The following LRP1B variants were observed in gnomAD, a reference collection of about 807,000 sequenced individuals.
The protein encoded by LRP1B is low-density lipoprotein receptor-related protein 1B.
LRP1B carries 217 observed loss-of-function variants against 556.6 expected under a neutral mutation model. The observed-to-expected ratio is 0.39, with a 90% CI of 0.35 to 0.44. The LOEUF (loss-of-function observed/expected upper bound fraction) is 0.44, where lower values mean the gene tolerates loss of function less well. Ranked by LOEUF, LRP1B falls within the 20% of genes least tolerant of loss-of-function variation. The pLI is 1.00. For missense variants in LRP1B, 5,053 were observed against 5,620.8 expected (o/e 0.90, Z 3.23); for synonymous variants, 2,047 against 1,865.8 (o/e 1.10, Z -2.50).
intron 51 of LRP1B, among the ~76,000 whole-genome samples, chr2:140,513,496 C>T (rs2104928106): frequency 6.6e-6 from 1 of 151,860 alleles, no homozygotes; most frequent in Admixed American, 6.5e-5. Context: ...TGATTACTGA[C>T]TTTTTTTCTT....
At chr2:141,212,573 C>T (rs2105256325) in intron 6 of LRP1B, among the ~76,000 whole-genome samples, 1 of 151,710 alleles carries the variant, frequency 6.6e-6, no homozygotes, top group Admixed American at 6.6e-5. Context: ...CGTGAGCGAC[C>T]ATGCCGGCCA....
chr2:141,224,352 C>T (rs565066583), intron 6 of LRP1B, among the ~76,000 whole-genome samples: 1 of 151,898 alleles, frequency 6.6e-6, no homozygotes, highest in African/African-American at 2.4e-5. Context: ...ACAGAGGCTG[C>T]CAAGAGGTAA....
At chr2:140,595,092 A>ATCTATATATATC (rs1385323966) in intron 43 of LRP1B, among the ~76,000 whole-genome samples, 1 of 14,406 alleles carries the variant, frequency 6.9e-5, no homozygotes, top group Non-Finnish European at 1.4e-4. Flanking sequence ...AATTGAATAT[A>ATCTATATATATC]TATATATATA....
intron 7 of LRP1B, among the ~76,000 whole-genome samples, chr2:141,186,767 A>G (rs988760015): frequency 1.3e-5 from 2 of 152,068 alleles, no homozygotes; most frequent in Non-Finnish European, 2.9e-5. Flanking sequence ...CTTTCATACA[A>G]TGACAGGGAG....
chr2:140,318,817 G>A (rs937965457), intron 82 of LRP1B, among the ~76,000 whole-genome samples: 2 of 151,934 alleles, frequency 1.3e-5, no homozygotes, highest in African/African-American at 4.8e-5. Flanking sequence ...CTGTAAAATA[G>A]GAGAAATTAC....
At chr2:141,576,259 T>C (rs556650756) in intron 2 of LRP1B, among the ~76,000 whole-genome samples, 1 of 152,316 alleles carries the variant, frequency 6.6e-6, no homozygotes, top group East Asian at 1.9e-4. Flanking sequence ...TAAAAAGGAA[T>C]GAGATCATGT....
chr2:140,665,301 A>G (rs948724257), intron 41 of LRP1B, among the ~76,000 whole-genome samples: 2 of 152,216 alleles, frequency 1.3e-5, no homozygotes, highest in Non-Finnish European at 2.9e-5. Context: ...AAGTTCACTC[A>G]TATTTAATCA....
Position 141,571,324 on chromosome 2 carries a change from G to A in LRP1B, c.206-90791C>T, listed in dbSNP as rs918673368. Among the ~76,000 whole-genome samples the A allele has an allele frequency of 8.0e-5, 12 of 150,558 alleles. 1 individual carries two copies. The highest frequency in any genetic ancestry group is 1.5e-4 in the Non-Finnish European group (10 of 67,246). The stretch of plus-strand genomic sequence containing the variant: ...ACTGCAGCAGCCCTACAGAAGAGGA[G>A]GCCTAACTATTGAAAGAAAAACAAA... On this transcript the variant is annotated intron_variant, in intron 2 of 90. Coordinates refer to ENST00000389484, the MANE Select transcript of LRP1B (RefSeq NM_018557.3).
chr2:141,091,729 C>A (rs1700176564), intron 7 of LRP1B, among the ~76,000 whole-genome samples: 4 of 152,130 alleles, frequency 2.6e-5, no homozygotes, highest in Admixed American at 2.6e-4. Flanking sequence ...TGAAGGAATA[C>A]AAATTATTAT....
At chr2:141,042,365 T>A (rs1244895568) in intron 11 of LRP1B, among the ~76,000 whole-genome samples, 3 of 152,096 alleles carry the variant, frequency 2.0e-5, no homozygotes, top group Non-Finnish European at 4.4e-5. Context: ...TGTGCAGGTG[T>A]CACCTTTGGG....
chr2:140,425,468 A>AT (rs1685614400), intron 66 of LRP1B, among the ~76,000 whole-genome samples: 1 of 151,924 alleles, frequency 6.6e-6, no homozygotes, highest in East Asian at 1.9e-4. Context: ...CAGTGGCATG[A>AT]TCTTGGCTCA....
intron 66 of LRP1B, among the ~76,000 whole-genome samples, chr2:140,391,022 G>A (rs1447458018): frequency 6.6e-6 from 1 of 151,714 alleles, no homozygotes; most frequent in Non-Finnish European, 1.5e-5. Context: ...TTTTCTTGTA[G>A]GTATTCACCC....
chr2:141,921,101 T>C (rs1377070806), intron 1 of LRP1B, among the ~76,000 whole-genome samples: 2 of 152,010 alleles, frequency 1.3e-5, no homozygotes, highest in Non-Finnish European at 2.9e-5. Flanking sequence ...TGATAACAAA[T>C]TACTTTCCTT....
At chr2:141,803,216 CT>C (rs36054783) in intron 2 of LRP1B, among the ~76,000 whole-genome samples, 27,596 of 142,610 alleles carry the variant, frequency 0.19, 2,850 homozygotes, top group East Asian at 0.39. Flanking sequence ...TGCAATCGAC[CT>C]TTTTTTTTTT....
intron 81 of LRP1B, 76 bp from the exon 82 acceptor site, chr2:140,322,164 G>T: frequency 7.3e-7 from 1 of 1,367,734 alleles, no homozygotes; most frequent in South Asian, 1.3e-5. Context: ...ATTAAATAAG[G>T]CGAAATGATT....
At chr2:141,888,430 T>C (rs1412302490) in intron 1 of LRP1B, among the ~76,000 whole-genome samples, 1 of 152,094 alleles carries the variant, frequency 6.6e-6, no homozygotes, top group Non-Finnish European at 1.5e-5. Context: ...CATGCAGCAG[T>C]TTTCAACTCC....
intron 1 of LRP1B, among the ~76,000 whole-genome samples, chr2:141,985,249 G>C (rs540181843): frequency 6.6e-6 from 1 of 152,226 alleles, no homozygotes; most frequent in Non-Finnish European, 1.5e-5. Context: ...TTAATATTTA[G>C]AGGAGTAGCA....
chr2:140,462,714 G>T (rs948284674), intron 60 of LRP1B, among the ~76,000 whole-genome samples: 2 of 152,160 alleles, frequency 1.3e-5, no homozygotes, highest in East Asian at 3.9e-4. Flanking sequence ...AAGAGGCAAA[G>T]CCAGGATAAC....
intron 66 of LRP1B, among the ~76,000 whole-genome samples, chr2:140,435,789 C>G (rs1686151862): frequency 6.6e-6 from 1 of 152,114 alleles, no homozygotes. Flanking sequence ...TATGTTCATT[C>G]CACTTAGACT....
Sources: allele counts gnomAD v4.1 joint callset (sites outside exome capture counted in the v4.1 genomes callset), GRCh38; gene constraint gnomAD v4.1.1; transcripts MANE v1.5; gene names NCBI Gene and HGNC (gene_info 2026-07-23, HGNC 2026-07-21).